Variants in GOLM2 observed in about 807,000 individuals in gnomAD.
GOLM2 encodes golgi membrane protein 2, also known as protein GOLM2.
In GOLM2, 26 loss-of-function variants were observed where a neutral mutation model predicts 55.9. The observed-to-expected ratio is 0.47, with a 90% CI of 0.34 to 0.65. The LOEUF is 0.65. Ranked by LOEUF, GOLM2 falls within the 30% of genes least tolerant of loss-of-function variation. The probability of loss-of-function intolerance (pLI) is 0.01; values close to 1 mark genes in which losing one functional copy is unlikely to be tolerated. For missense variants in GOLM2, 486 were observed against 531.8 expected (o/e 0.91, Z 0.85); for synonymous variants, 165 against 194.6 (o/e 0.85, Z 1.27).
rs192734722 is a variant in GOLM2 at position 44,359,082 on chromosome 15, G to A, written c.803-20608G>A. Among the ~76,000 whole-genome samples, 1,147 of 151,588 alleles carry A rather than the reference G, an allele frequency of 7.6e-3. 2 individuals carry two copies. Among genetic ancestry groups the A allele is most frequent in the Admixed American group, 0.012 (190 of 15,236 alleles). On this transcript the variant is annotated intron_variant, in intron 6 of 9. Transcript: ENST00000299957. ...GGAGAATGGCGTGAACCAGGGAGGC[G>A]GAGGTTGCAGTGAGCTGAGATCGCG... is the stretch of plus-strand genomic sequence containing the variant.
At chr15:44,385,066 T>C (rs1215202388) in intron 8 of GOLM2, among the ~76,000 whole-genome samples, 1 of 152,188 alleles carries the variant, frequency 6.6e-6, no homozygotes, top group East Asian at 1.9e-4. Flanking sequence ...ATGGATACAT[T>C]TTGTTTATTC....
intron 6 of GOLM2, among the ~76,000 whole-genome samples, chr15:44,351,209 G>A (rs2079160075): frequency 6.6e-6 from 1 of 151,948 alleles, no homozygotes; most frequent in African/African-American, 2.4e-5. Context: ...CAGAAAGGAA[G>A]GTGAAAGGAT....
intron 6 of GOLM2, among the ~76,000 whole-genome samples, chr15:44,352,033 C>A (rs2141161335): frequency 6.6e-6 from 1 of 152,228 alleles, no homozygotes; most frequent in East Asian, 1.9e-4. Context: ...CAATCCCTAT[C>A]AAAATATGAC....
chr15:44,329,768 G>A (rs993604023), intron 3 of GOLM2, among the ~76,000 whole-genome samples: 7 of 151,966 alleles, frequency 4.6e-5, no homozygotes, highest in Admixed American at 4.6e-4. Context: ...TGGGCATGAT[G>A]GCGTATGCCT....
intron 6 of GOLM2, among the ~76,000 whole-genome samples, chr15:44,355,931 C>A (rs960104005): frequency 1.3e-5 from 2 of 152,126 alleles, no homozygotes; most frequent in African/African-American, 4.8e-5. Context: ...AGAAAGATAA[C>A]TGGAAAATCC....
intron 1 of GOLM2, among the ~76,000 whole-genome samples, chr15:44,317,208 T>C (rs2078916228): frequency 6.6e-6 from 1 of 151,600 alleles, no homozygotes; most frequent in South Asian, 2.1e-4. Flanking sequence ...CCCCCCCATC[T>C]CTACAAAAGA....
At position 44,288,928 on chromosome 15, in the gene GOLM2, C is replaced by T. The variant is rs1036918475; in HGVS notation, c.-102C>T. 1.5e-5 allele frequency: 17 copies of T among 1,126,034 alleles called. No individual in the cohort carries two copies. The East Asian group carries it at 4.0e-4, about 27-fold the overall frequency. The allele number at this position is 1,126,034 out of a possible 1,614,324, so 69.8% of individuals were successfully genotyped here. A position where few individuals can be genotyped will look rare whatever the true frequency, so the allele number is the denominator to read the frequency against. ...CGGTAAGCCCGCCTCCTCCCTCGGC[C>T]GGCCCTGGGGCCGTGTCCGCCGGGC... On this transcript the variant is annotated 5_prime_UTR_variant, in exon 1 of 10. Transcript: ENST00000299957.
intron 8 of GOLM2, among the ~76,000 whole-genome samples, chr15:44,388,681 A>G (rs2079465691): frequency 6.6e-6 from 1 of 152,204 alleles, no homozygotes; most frequent in African/African-American, 2.4e-5. Context: ...CTCAAAAGAA[A>G]AAAAGAGAGA....
chr15:44,379,981 T>C (rs539697340), intron 7 of GOLM2, among the ~76,000 whole-genome samples, 193 bp downstream of exon 7: 4 of 152,270 alleles, frequency 2.6e-5, no homozygotes, highest in Admixed American at 2.6e-4. Context: ...TGGTGGATTG[T>C]TAGTCTTTTT....
chr15:44,379,865 A>G, intron 7 of GOLM2, 77 bp downstream of exon 7: 3 of 787,966 alleles, frequency 3.8e-6, no homozygotes, highest in South Asian at 1.8e-5. Context: ...TATAAAATAT[A>G]TCACTTAGCA....
At chr15:44,377,625 C>T (rs553945092) in intron 6 of GOLM2, among the ~76,000 whole-genome samples, 2 of 152,098 alleles carry the variant, frequency 1.3e-5, no homozygotes, top group East Asian at 1.9e-4. Context: ...TCACATGCCT[C>T]GGTCTTTCAA....
chr15:44,296,872 A>G (rs2078759943), intron 1 of GOLM2, among the ~76,000 whole-genome samples: 1 of 152,210 alleles, frequency 6.6e-6, no homozygotes, highest in Non-Finnish European at 1.5e-5. Flanking sequence ...TAATTTGAGT[A>G]TCAACCTTCT....
rs994381104 is a variant in GOLM2, at chr15:44,398,657, CTTTTTTTTTTTT to C, written c.1073-4217_1073-4206del. ...AATGAACACAAGTGAATATAGGAGCCTTTTTTTTTTTTTTTTTTTTTTTTGAGACAAGAGTTT... is the reference window on the plus strand; with the variant it reads ...AATGAACACAAGTGAATATAGGAGCCTTTTTTTTTTTTGAGACAAGAGTTT... On this transcript the variant is annotated intron_variant, in intron 8 of 9. Coordinates refer to ENST00000299957, the MANE Select transcript of GOLM2 (RefSeq NM_138423.4). Among the ~76,000 whole-genome samples the C allele has an allele frequency of 6.5e-5, 7 of 108,082 alleles. No individual in the cohort carries two copies. In the East Asian group the frequency reaches 2.1e-3, roughly 32 times the overall value. The allele number at this position is 108,082 out of a possible 152,430, so 70.9% of individuals were successfully genotyped here.
chr15:44,394,115 T>G lies in GOLM2; in HGVS notation c.1073-8772T>G, dbSNP rs560699507. Among the ~76,000 whole-genome samples, 4 of 152,304 alleles carry G rather than the reference T, an allele frequency of 2.6e-5. No homozygotes were observed. The South Asian group carries it at 8.3e-4, about 32-fold the overall frequency. Reference sequence around the variant, plus strand: ...ACTCTATTCACCATAAATCACTTTGTAGGATAAATTGACCTCATCAGACTG... The same window carrying G: ...ACTCTATTCACCATAAATCACTTTGGAGGATAAATTGACCTCATCAGACTG... On this transcript the variant is annotated intron_variant, in intron 8 of 9. Coordinates refer to ENST00000299957, the MANE Select transcript of GOLM2 (RefSeq NM_138423.4).
chr15:44,310,050 A>G (rs1331947777), intron 1 of GOLM2, among the ~76,000 whole-genome samples: 2 of 151,964 alleles, frequency 1.3e-5, no homozygotes, highest in African/African-American at 4.8e-5. Context: ...TGCCTGGCTA[A>G]TTTTTGTATT....
chr15:44,310,487 T>TAC (rs2078867272), intron 1 of GOLM2, among the ~76,000 whole-genome samples: 1 of 141,192 alleles, frequency 7.1e-6, no homozygotes, highest in Non-Finnish European at 1.5e-5. Context: ...TATATATATA[T>TAC]ATACACACAC....
At chr15:44,336,442 C>G (rs2079057591) in intron 4 of GOLM2, among the ~76,000 whole-genome samples, 2 of 152,218 alleles carry the variant, frequency 1.3e-5, no homozygotes, top group South Asian at 4.2e-4. Flanking sequence ...TTTAATACCT[C>G]AGTTTTGTTT....
intron 6 of GOLM2, among the ~76,000 whole-genome samples, chr15:44,341,309 C>T (rs954003769): frequency 6.6e-6 from 1 of 151,854 alleles, no homozygotes; most frequent in Non-Finnish European, 1.5e-5. Context: ...CTCGATCTCC[C>T]AACCTTGTGA....
At position 44,289,721 on chromosome 15, in the gene GOLM2, CATTTTT is replaced by C. The variant is rs1384242987; in HGVS notation, c.327+369_327+374del. Among the ~76,000 whole-genome samples, 1 of 152,178 alleles carries C rather than the reference CATTTTT, an allele frequency of 6.6e-6. No homozygotes were observed. The highest frequency in any genetic ancestry group is 1.5e-5 in the Non-Finnish European group (1 of 68,030). ...GCCAGGTTTGGTGTGGTTATTGTCT[CATTTTT>C]ATTCCGTGCACACTGATCAATATTA... On this transcript the variant is annotated intron_variant, in intron 1 of 9. Transcript: ENST00000299957. This position sits in a 1 kb window ranked among gnomAD's most constrained non-coding sequence, Gnocchi z 4.8.
Sources: gnomAD v4.1 joint callset for allele counts (sites outside exome capture counted in the v4.1 genomes callset) on GRCh38, gnomAD v4.1.1 for gene constraint, Gnocchi (gnomAD v3.1) non-coding constraint, MANE v1.5 for transcripts, NCBI Gene and HGNC (gene_info 2026-07-23, HGNC 2026-07-21) for gene names.